LNPEP: variants seen among roughly 807,000 people sequenced by gnomAD.
LNPEP encodes leucyl and cystinyl aminopeptidase, also known as leucyl-cystinyl aminopeptidase.
Under a neutral mutation model 120.6 loss-of-function variants are expected in LNPEP, and 64 were observed. The observed-to-expected ratio is 0.53, with a 90% confidence interval of 0.43 to 0.65. The LOEUF (loss-of-function observed/expected upper bound fraction) is 0.65, where lower values mean the gene tolerates loss of function less well. Ranked by LOEUF, LNPEP falls within the 30% of genes least tolerant of loss-of-function variation. LNPEP has a pLI of 0.00. For synonymous variants in LNPEP, 435 were observed against 425.4 expected (o/e 1.02, Z -0.28); for missense variants, 1,057 against 1,200.0 (o/e 0.88, Z 1.76).
Position 97,034,479 on chromosome 5 carries a change from T to C in LNPEP, c.*5946T>C, listed in dbSNP as rs1791534650. On this transcript the variant is annotated 3_prime_UTR_variant, in exon 18 of 18. Coordinates refer to ENST00000231368, the MANE Select transcript of LNPEP (RefSeq NM_005575.3). ...TCTTTTTTTTAATGTATATAAAAGT[T>C]TGCTAGTTGTTGTTATTGTTGTTCT... The C allele has an allele frequency of 6.6e-6, 1 of 151,814 alleles. No individual in the cohort carries two copies. The highest frequency in any genetic ancestry group is 2.1e-4 in the South Asian group (1 of 4,800). 9.4% of individuals were successfully genotyped at this position (151,814 alleles called of 1,614,324 possible).
intron 13 of LNPEP, among the ~76,000 whole-genome samples, chr5:97,020,585 G>A (rs950559178): frequency 6.6e-6 from 1 of 152,054 alleles, no homozygotes; most frequent in Non-Finnish European, 1.5e-5. Context: ...GGTGGATCAC[G>A]AGGTCAGGAG....
intron 1 of LNPEP, among the ~76,000 whole-genome samples, chr5:96,941,521 CT>C (rs916568277): frequency 6.6e-6 from 1 of 152,084 alleles, no homozygotes; most frequent in Admixed American, 6.6e-5. Flanking sequence ...ATTTCAGCAA[CT>C]TTTCTGAAAG....
chr5:97,017,649 C>A (rs1253397092), intron 13 of LNPEP, among the ~76,000 whole-genome samples: 1 of 152,050 alleles, frequency 6.6e-6, no homozygotes, highest in Non-Finnish European at 1.5e-5. Flanking sequence ...ATCCAGTTAT[C>A]CCCAGGACCA....
At chr5:97,020,450 A>G (rs1197930082) in intron 13 of LNPEP, among the ~76,000 whole-genome samples, 4 of 152,134 alleles carry the variant, frequency 2.6e-5, no homozygotes, top group Admixed American at 6.6e-5. Flanking sequence ...CAGAGGGGGT[A>G]TCTGTTGAAT....
chr5:96,953,370 T>C (rs1198689044), intron 1 of LNPEP, among the ~76,000 whole-genome samples: 1 of 152,218 alleles, frequency 6.6e-6, no homozygotes, highest in Non-Finnish European at 1.5e-5. Flanking sequence ...AGTCTTTTAT[T>C]GTGTCCTTTT....
At position 97,033,466 on chromosome 5, in the gene LNPEP, T is replaced by G. The variant is rs1791510025; in HGVS notation, c.*4933T>G. On this transcript the variant is annotated 3_prime_UTR_variant, in exon 18 of 18. Transcript: ENST00000231368. ...CCCTTATTGCCCATGTGGGCAATAC[T>G]TAAGAGTAGTTTGGGTTTATTGAAG... 6.6e-6 allele frequency: 1 copy of G among 152,220 alleles called. No homozygotes were observed. The highest frequency in any genetic ancestry group is 2.4e-5 in the African/African-American group (1 of 41,456). The allele number at this position is 152,220 out of a possible 1,614,324, so 9.4% of individuals were successfully genotyped here.
In LNPEP at chr5:96,998,033, C is replaced by G; in HGVS notation, c.1541C>G (p.Ala514Gly). ...TGACAGTATGAAGATTTCTTAGATG[C>G]TCGATTTAAAACCATGAAGAAAGAT... is the stretch of plus-strand genomic sequence containing the variant. ...ELSSYEDFLD[A>G]RFKTMKKDSL... The change falls in exon 8 of 18, where the codon GCT becomes GGT. Residue 514 changes from alanine (A) to glycine (G), a missense_variant. Ala to Gly is a moderately conservative substitution (Grantham distance 60, BLOSUM62 0). Transcript: ENST00000231368. The G allele has an allele frequency of 6.4e-7, 1 of 1,574,110 alleles. No homozygotes were observed. Among genetic ancestry groups the G allele is most frequent in the Non-Finnish European group, 8.7e-7 (1 of 1,152,666 alleles).
chr5:97,007,801 C>A (rs886549934), intron 11 of LNPEP, among the ~76,000 whole-genome samples: 3 of 151,928 alleles, frequency 2.0e-5, no homozygotes, highest in African/African-American at 4.8e-5. Context: ...AAGGTTTTTC[C>A]ATTATATGAA....
rs1791349806 is a variant in LNPEP at position 97,026,716 on chromosome 5, A to G, written c.2823A>G (p.Ala941=). ...GACATTTTCCTGGACACTTACTGGCATGGGATTTTGTCAAAGAGAACTGGA... is the reference window on the plus strand; with the variant it reads ...GACATTTTCCTGGACACTTACTGGCGTGGGATTTTGTCAAAGAGAACTGGA... ...VGRHFPGHLL[A]WDFVKENWNK... The change falls in exon 16 of 18, where the codon GCA becomes GCG. Residue 941 remains alanine (A), a synonymous_variant. Coordinates refer to ENST00000231368, the MANE Select transcript of LNPEP (RefSeq NM_005575.3). The G allele has an allele frequency of 1.2e-6, 2 of 1,613,630 alleles. No homozygotes were observed. The highest frequency in any genetic ancestry group is 1.7e-6 in the Non-Finnish European group (2 of 1,179,552).
chr5:97,020,683 TC>T (rs1561454808), intron 13 of LNPEP, among the ~76,000 whole-genome samples: 1 of 152,038 alleles, frequency 6.6e-6, no homozygotes. Flanking sequence ...GCGCTTGTAG[TC>T]CCAGCTACTC....
chr5:96,940,638 A>G (rs569103572), intron 1 of LNPEP, among the ~76,000 whole-genome samples: 1 of 152,246 alleles, frequency 6.6e-6, no homozygotes, highest in South Asian at 2.1e-4. Flanking sequence ...AACTGTTTGC[A>G]TGTCTACTAA....
intron 1 of LNPEP, among the ~76,000 whole-genome samples, chr5:96,949,996 G>C (rs1387435346): frequency 6.6e-6 from 1 of 151,982 alleles, no homozygotes; most frequent in Admixed American, 6.5e-5. Flanking sequence ...ATAGCAAATA[G>C]AGTAATTCCA....
chr5:96,996,460 TG>T lies in LNPEP; in HGVS notation c.1480del (p.Glu494SerfsTer19). The T allele has an allele frequency of 6.2e-7, 1 of 1,610,330 alleles. No individual in the cohort carries two copies. The highest frequency in any genetic ancestry group is 1.3e-5 in the African/African-American group (1 of 74,900). ...CTAAATGAAGGTTTTGCCACTTTCA[TG>T]GAGTATTTCTCTTTGGAAAAAATAT... Reference protein sequence around the residue: ...LWLNEGFATFMEYFSLEKIFK... With the variant: ...LWLNEGFATFXEYFSLEKIFK... On this transcript the variant is annotated frameshift_variant, in exon 7 of 18. Coordinates refer to ENST00000231368, the MANE Select transcript of LNPEP (RefSeq NM_005575.3). LOFTEE classifies it high-confidence loss of function.
At chr5:96,992,665 C>G (rs902931512) in intron 4 of LNPEP, among the ~76,000 whole-genome samples, 1 of 151,622 alleles carries the variant, frequency 6.6e-6, no homozygotes, top group African/African-American at 2.4e-5. Flanking sequence ...AGGGCAGCTA[C>G]AGGTAATGGG....
chr5:97,003,672 A>G (rs1395621780), intron 9 of LNPEP, 126 bp downstream of exon 9: 1 of 528,994 alleles, frequency 1.9e-6, no homozygotes, highest in African/African-American at 1.9e-5. Flanking sequence ...AAAGGGGGGG[A>G]TGGAGCTTGC....
chr5:96,984,402 T>G (rs954915034), intron 2 of LNPEP, among the ~76,000 whole-genome samples: 4 of 152,152 alleles, frequency 2.6e-5, no homozygotes, highest in African/African-American at 9.7e-5. Context: ...TCTAAATGGG[T>G]CCAGGTGCTG....
intron 1 of LNPEP, among the ~76,000 whole-genome samples, chr5:96,951,556 C>T (rs868040302): frequency 6.6e-6 from 1 of 150,862 alleles, no homozygotes; most frequent in African/African-American, 2.4e-5. Flanking sequence ...CCGCACCTGG[C>T]GGGGGGTTAG....
At chr5:96,958,831 T>G (rs1789531904) in intron 1 of LNPEP, 1 of 143,250 alleles carries the variant, frequency 7.0e-6, no homozygotes, top group Non-Finnish European at 1.5e-5. Flanking sequence ...TGCTTTTTTT[T>G]TTTTTTTTTT....
At position 97,000,593 on chromosome 5, in the gene LNPEP, T is replaced by G. The variant is rs532784028; in HGVS notation, c.1653+2448T>G. 3.3e-5 allele frequency among the ~76,000 whole-genome samples: 5 copies of G among 152,308 alleles called. No homozygotes were observed. The East Asian group carries it at 5.8e-4, about 18-fold the overall frequency. On this transcript the variant is annotated intron_variant, in intron 8 of 17. Transcript: ENST00000231368. ...CAGTAAACAGCCTGGGTGCTGAATC[T>G]CTGATGATCATCCGTGGTAGATGGC... is the stretch of plus-strand genomic sequence containing the variant.
Sources: allele counts gnomAD v4.1 joint callset (sites outside exome capture counted in the v4.1 genomes callset), GRCh38; gene constraint gnomAD v4.1.1; transcripts MANE v1.5; gene names NCBI Gene and HGNC (gene_info 2026-07-23, HGNC 2026-07-21).